Variants in CD83 observed in about 807,000 individuals in gnomAD.
CD83 encodes CD83 molecule, also known as CD83 antigen.
A neutral mutation model predicts 24.6 loss-of-function variants in CD83; 22 were observed. The observed-to-expected ratio is 0.90, with a 90% CI of 0.64 to 1.28. CD83 has a LOEUF of 1.28. Ranked by LOEUF, CD83 falls within the 50% of genes most tolerant of loss-of-function variation. CD83 has a pLI of 0.00. For missense variants in CD83, 253 were observed against 252.8 expected (o/e 1.00, Z -0.01); for synonymous variants, 101 against 103.5 (o/e 0.98, Z 0.14).
intron 2 of CD83, among the ~76,000 whole-genome samples, chr6:14,127,588 A>G (rs1348856580): frequency 6.6e-6 from 1 of 151,446 alleles, no homozygotes; most frequent in Non-Finnish European, 1.5e-5. Flanking sequence ...TGCCCATACA[A>G]TTAGTACTTG....
At chr6:14,123,906 A>G (rs975459800) in intron 2 of CD83, among the ~76,000 whole-genome samples, 6 of 152,142 alleles carry the variant, frequency 3.9e-5, no homozygotes, top group Admixed American at 6.5e-5. Flanking sequence ...TCTCAGTGAC[A>G]TAAGGGAAAG....
At chr6:14,133,620 G>A (rs1757976503) in intron 3 of CD83, 29 bp from the exon 4 acceptor site, 2 of 1,440,108 alleles carry the variant, frequency 1.4e-6, no homozygotes, top group African/African-American at 1.4e-5. Flanking sequence ...CTGTTAAAAT[G>A]GCTTCACATG....
chr6:14,127,699 G>A (rs112772053), intron 2 of CD83, among the ~76,000 whole-genome samples: 10 of 152,084 alleles, frequency 6.6e-5, no homozygotes, highest in African/African-American at 2.4e-4. Context: ...GAAAGAATAT[G>A]GTATTTAAAT....
chr6:14,118,740 A>G (rs757009633), intron 2 of CD83, among the ~76,000 whole-genome samples: 10 of 152,186 alleles, frequency 6.6e-5, no homozygotes, highest in Non-Finnish European at 1.2e-4. Context: ...ACTGAGTGAC[A>G]AGGAGGCTTT....
At position 14,135,207 on chromosome 6, in the gene CD83, G is replaced by A; in HGVS notation, c.589G>A (p.Val197Met). Residue 197 changes from valine to methionine, a missense_variant, in exon 5 of 5, where the codon GTG (valine) becomes ATG (methionine). Coordinates refer to ENST00000379153, the MANE Select transcript of CD83 (RefSeq NM_004233.4). Reference protein sequence around the residue: ...VTSPNKHLGLVTPHKTELV With the variant: ...VTSPNKHLGLMTPHKTELV Reference sequence around the variant, plus strand: ...CTCCCCAAATAAGCATTTAGGGCTAGTGACTCCTCACAAGACAGAACTGGT... The same window carrying A: ...CTCCCCAAATAAGCATTTAGGGCTAATGACTCCTCACAAGACAGAACTGGT... 1 of 1,614,176 alleles carries A rather than the reference G, an allele frequency of 6.2e-7. No individual in the cohort carries two copies.
In CD83 at chr6:14,135,096, A is replaced by T. The variant is rs754315170; in HGVS notation, c.490-12A>T. On this transcript the variant is annotated splice_polypyrimidine_tract_variant and intron_variant, in intron 4 of 4. Transcript: ENST00000379153. ...CAATTATTCACTTCACATTTCTTTC[A>T]TTTCTTTTTAGAAGTTTGCACGGCT... 4 of 1,613,042 alleles carry T rather than the reference A, an allele frequency of 2.5e-6. No individual in the cohort carries two copies. Among genetic ancestry groups the T allele is most frequent in the Non-Finnish European group, 3.4e-6 (4 of 1,179,554 alleles).
rs1257103189 is a variant in CD83, at chr6:14,129,865, A to G, written c.154-1655A>G. 7.2e-6 allele frequency among the ~76,000 whole-genome samples: 1 copy of G among 138,524 alleles called. No homozygotes were observed. Among genetic ancestry groups the G allele is most frequent in the Non-Finnish European group, 1.6e-5 (1 of 63,752 alleles). The allele number at this position is 138,524 out of a possible 152,430, so 90.9% of individuals were successfully genotyped here. On this transcript the variant is annotated intron_variant, in intron 2 of 4. Transcript: ENST00000379153. This position sits in a 1 kb window ranked among gnomAD's most constrained non-coding sequence, Gnocchi z 4.3. ...TGTGTGTGTGTGTGTGTGTGTGTGT[A>G]TACGAGTGCACACGTGCCCATGTGT... is the stretch of plus-strand genomic sequence containing the variant.
intron 2 of CD83, among the ~76,000 whole-genome samples, chr6:14,130,598 C>T (rs1234183636): frequency 6.6e-6 from 1 of 152,096 alleles, no homozygotes; most frequent in Non-Finnish European, 1.5e-5. Flanking sequence ...GGTGTGGTGG[C>T]ACAGGCTTCT....
At chr6:14,131,175 A>G (rs1757887844) in intron 2 of CD83, among the ~76,000 whole-genome samples, 1 of 152,234 alleles carries the variant, frequency 6.6e-6, no homozygotes, top group Admixed American at 6.5e-5. Context: ...TTAATACAGA[A>G]CAGTCCTATC....
chr6:14,130,150 G>A (rs1269464700), intron 2 of CD83, among the ~76,000 whole-genome samples: 1 of 152,126 alleles, frequency 6.6e-6, no homozygotes, highest in East Asian at 1.9e-4. Flanking sequence ...TGGGCTCCCT[G>A]CTGGTCCCCA....
chr6:14,134,586 C>G (rs1757998726), intron 4 of CD83, among the ~76,000 whole-genome samples: 1 of 152,234 alleles, frequency 6.6e-6, no homozygotes, highest in African/African-American at 2.4e-5. Context: ...TATTCACTTA[C>G]TTGCCTCTCT....
intron 4 of CD83, among the ~76,000 whole-genome samples, chr6:14,134,510 G>A (rs900129692): frequency 1.3e-5 from 2 of 152,174 alleles, no homozygotes; most frequent in African/African-American, 4.8e-5. Flanking sequence ...TGGCTACCTA[G>A]GGGCCAGGAC....
intron 2 of CD83, among the ~76,000 whole-genome samples, chr6:14,127,405 A>G (rs894476178): frequency 4.6e-5 from 7 of 152,166 alleles, no homozygotes; most frequent in Non-Finnish European, 1.0e-4. Context: ...ATGGTAATGT[A>G]GGAGGTTGGC....
chr6:14,131,458 C>T (rs1188374132), intron 2 of CD83, 62 bp from the exon 3 acceptor site: 17 of 1,199,082 alleles, frequency 1.4e-5, no homozygotes, highest in Non-Finnish European at 2.0e-5. Context: ...AAAATGGAAA[C>T]ATTGGTGTCG....
Position 14,117,875 on chromosome 6 carries a change from C to T in CD83, c.37+27C>T, listed in dbSNP as rs1759570881. On this transcript the variant is annotated intron_variant, in intron 1 of 4. Transcript: ENST00000379153. The surrounding 1 kb of genome is among the most constrained non-coding windows in gnomAD (Gnocchi z 4.6). Reference sequence around the variant, plus strand: ...TAGGGCTCGCGAGCGCCTGTCTCGCCTGTCGCCCCCCGCCCCTCCACGACA... The same window carrying T: ...TAGGGCTCGCGAGCGCCTGTCTCGCTTGTCGCCCCCCGCCCCTCCACGACA... 1 of 1,577,050 alleles carries T rather than the reference C, an allele frequency of 6.3e-7. No individual in the cohort carries two copies. Among genetic ancestry groups the T allele is most frequent in the Non-Finnish European group, 8.6e-7 (1 of 1,167,840 alleles).
At position 14,135,335 on chromosome 6, in the gene CD83, C is replaced by A. The variant is rs1383647629; in HGVS notation, c.*99C>A. ...AAGAATGAGCCTACGCTGAAGATGG[C>A]ATCCTGTGAAGTCCTTCACCTCACT... On this transcript the variant is annotated 3_prime_UTR_variant, in exon 5 of 5. Transcript: ENST00000379153. 1 of 1,337,088 alleles carries A rather than the reference C, an allele frequency of 7.5e-7. No homozygotes were observed. Among genetic ancestry groups the A allele is most frequent in the Non-Finnish European group, 1.0e-6 (1 of 971,934 alleles). 82.8% of individuals were successfully genotyped at this position (1,337,088 alleles called of 1,614,324 possible). A position where few individuals can be genotyped will look rare whatever the true frequency, so the allele number is the denominator to read the frequency against.
intron 4 of CD83, 23 bp from the exon 5 acceptor site, chr6:14,135,085 A>G: frequency 6.2e-7 from 1 of 1,612,856 alleles, no homozygotes; most frequent in Non-Finnish European, 8.5e-7. Context: ...TATTCACTTC[A>G]CATTTCTTTC....
chr6:14,122,676 A>G (rs967349216), intron 2 of CD83, among the ~76,000 whole-genome samples: 1 of 152,218 alleles, frequency 6.6e-6, no homozygotes, highest in Non-Finnish European at 1.5e-5. Context: ...TGGCACCTAT[A>G]GTACTTGACC....
intron 2 of CD83, among the ~76,000 whole-genome samples, chr6:14,121,743 T>A (rs1759676683): frequency 6.6e-6 from 1 of 151,824 alleles, no homozygotes; most frequent in Non-Finnish European, 1.5e-5. Flanking sequence ...GTGATTAAAT[T>A]CCAGCATAAA....
Sources: allele counts gnomAD v4.1 joint callset (sites outside exome capture counted in the v4.1 genomes callset), GRCh38; gene constraint gnomAD v4.1.1; non-coding constraint Gnocchi (gnomAD v3.1); transcripts MANE v1.5; gene names NCBI Gene and HGNC (gene_info 2026-07-23, HGNC 2026-07-21).